Variants in PHACTR2 observed in about 807,000 individuals in gnomAD.
PHACTR2 encodes chromosome 6 open reading frame 56.
PHACTR2 carries 30 observed loss-of-function variants against 76.0 expected under a neutral mutation model. That is an observed-to-expected ratio of 0.39 (90% CI 0.30 to 0.54). PHACTR2 has a LOEUF of 0.54. Ranked by LOEUF, PHACTR2 falls within the 20% of genes least tolerant of loss-of-function variation. The probability of loss-of-function intolerance (pLI) is 0.61; values close to 1 mark genes in which losing one functional copy is unlikely to be tolerated. For synonymous variants in PHACTR2, 292 were observed against 292.5 expected (o/e 1.00, Z 0.02); for missense variants, 696 against 781.1 (o/e 0.89, Z 1.30).
Position 143,541,512 on chromosome 6 carries a change from G to A in PHACTR2, c.217+4305G>A, listed in dbSNP as rs1259144079. 6.6e-6 allele frequency among the ~76,000 whole-genome samples: 1 copy of A among 152,198 alleles called. No individual in the cohort carries two copies. The highest frequency in any genetic ancestry group is 2.4e-5 in the African/African-American group (1 of 41,466). On this transcript the variant is annotated intron_variant, in intron 1 of 11. Transcript: ENST00000367584. The surrounding 1 kb of genome is among the most constrained non-coding windows in gnomAD (Gnocchi z 5.3). ...ACCATTCAAGCCACCTCCAAAAAAA[G>A]CAGTATAGGTGTGTGGACCACTTCA...
At chr6:143,804,269 C>T (rs926098841) in intron 11 of PHACTR2, among the ~76,000 whole-genome samples, 1 of 152,188 alleles carries the variant, frequency 6.6e-6, no homozygotes, top group East Asian at 1.9e-4. Flanking sequence ...TACCCAGCAT[C>T]TTAACCTCCA....
chr6:143,586,401 T>C (rs1775629950), intron 1 of PHACTR2, among the ~76,000 whole-genome samples: 3 of 152,222 alleles, frequency 2.0e-5, no homozygotes, highest in Admixed American at 2.0e-4. Context: ...TTTTTGTCCA[T>C]GGAATCAAAG....
chr6:143,628,973 A>G (rs1168313673), intron 1 of PHACTR2, among the ~76,000 whole-genome samples: 17 of 110,794 alleles, frequency 1.5e-4, no homozygotes, highest in Non-Finnish European at 2.5e-4. Flanking sequence ...ATATATATAT[A>G]TATATACTGC....
intron 1 of PHACTR2, among the ~76,000 whole-genome samples, chr6:143,626,134 A>G (rs1470988676): frequency 6.6e-6 from 1 of 152,206 alleles, no homozygotes; most frequent in African/African-American, 2.4e-5. Context: ...TCAAAGAAAG[A>G]TGCTAAGAAT....
intron 1 of PHACTR2, among the ~76,000 whole-genome samples, chr6:143,660,041 G>T (rs139066362): frequency 1.7e-3 from 257 of 152,262 alleles, no homozygotes; most frequent in African/African-American, 5.8e-3. Context: ...CTCAGTTACT[G>T]CATTAAAAAA....
chr6:143,771,194 GTATATA>G (rs769993035), intron 6 of PHACTR2, among the ~76,000 whole-genome samples: 10,155 of 40,594 alleles, frequency 0.25, 1,175 homozygotes, highest in Middle Eastern at 0.4. Flanking sequence ...ATATATGTGT[GTATATA>G]TATATATATA....
intron 2 of PHACTR2, 105 bp downstream of exon 2, chr6:143,712,288 C>T (rs1381288068): frequency 2.5e-5 from 16 of 650,772 alleles, no homozygotes; most frequent in Admixed American, 3.8e-5. Context: ...AAAATTAATC[C>T]GTATTTGAAA....
In PHACTR2 at chr6:143,616,101, C is replaced by T. The variant is rs1427015798; in HGVS notation, c.13+7779C>T. Among the ~76,000 whole-genome samples the T allele has an allele frequency of 2.0e-5, 3 of 152,164 alleles. No individual in the cohort carries two copies. Among genetic ancestry groups the T allele is most frequent in the African/African-American group, 7.2e-5 (3 of 41,438 alleles). ...CTACCACTTGGTATAAAGTATCTGCCTAATTGTTTTTATAGGTAGCTCTTT... is the reference window on the plus strand; with the variant it reads ...CTACCACTTGGTATAAAGTATCTGCTTAATTGTTTTTATAGGTAGCTCTTT... On this transcript the variant is annotated intron_variant, in intron 1 of 11. Coordinates refer to the PHACTR2 transcript ENST00000305766. The surrounding 1 kb of genome is among the most constrained non-coding windows in gnomAD (Gnocchi z 4.9).
Position 143,698,180 on chromosome 6 carries a change from C to A in PHACTR2, c.47-13836C>A, listed in dbSNP as rs1455450100. Among the ~76,000 whole-genome samples the A allele has an allele frequency of 6.6e-6, 1 of 152,170 alleles. No individual in the cohort carries two copies. Among genetic ancestry groups the A allele is most frequent in the Admixed American group, 6.5e-5 (1 of 15,280 alleles). ...GGTTTGATGGTGCTCTAATTGGATT[C>A]AGAGGCTTTCTGTGTGTGTTTTATC... On this transcript the variant is annotated intron_variant, in intron 1 of 12. Coordinates refer to ENST00000440869, the MANE Select transcript of PHACTR2 (RefSeq NM_001100164.2). This position sits in a 1 kb window ranked among gnomAD's most constrained non-coding sequence, Gnocchi z 4.3.
chr6:143,642,182 T>C (rs972811228), intron 1 of PHACTR2, among the ~76,000 whole-genome samples: 2 of 152,224 alleles, frequency 1.3e-5, no homozygotes, highest in Non-Finnish European at 2.9e-5. Context: ...ATTTAATCAA[T>C]GTCCTATTAT....
Position 143,678,340 on chromosome 6 carries a change from A to G in PHACTR2, c.46+131A>G, listed in dbSNP as rs1582762083. 3.1e-5 allele frequency: 24 copies of G among 779,252 alleles called. No homozygotes were observed. The East Asian group carries it at 8.0e-4, about 26-fold the overall frequency. The allele number at this position is 779,252 out of a possible 1,614,324, so 48.3% of individuals were successfully genotyped here. Reference sequence around the variant, plus strand: ...CCGCCAAGTCCCTCGGAGAAACCCCAGAGGTAGCGCTCGCCAAACTCTTTG... The same window carrying G: ...CCGCCAAGTCCCTCGGAGAAACCCCGGAGGTAGCGCTCGCCAAACTCTTTG... On this transcript the variant is annotated intron_variant, in intron 1 of 12. Transcript: ENST00000440869. The surrounding 1 kb of genome is among the most constrained non-coding windows in gnomAD (Gnocchi z 6.2).
rs1012224422 is a variant in PHACTR2, at chr6:143,772,448, A to G, written c.1423A>G (p.Ser475Gly). The change falls in exon 7 of 13, where the codon AGT (serine) becomes GGT (glycine). Residue 475 changes from serine (S) to glycine (G), a missense_variant. Coordinates refer to ENST00000440869, the MANE Select transcript of PHACTR2 (RefSeq NM_001100164.2). This position sits in a 1 kb window ranked among gnomAD's most constrained non-coding sequence, Gnocchi z 5.4. ...GGACGAAGACGAAGATGAGGATGGC[A>G]GTGGAGAAAGTAAGACTGTTTTCAA... ...DEDEDEDEDG[S>G]GESALASKIR... 2 of 1,613,154 alleles carry G rather than the reference A, an allele frequency of 1.2e-6. No homozygotes were observed. The highest frequency in any genetic ancestry group is 1.7e-5 in the Admixed American group (1 of 59,972).
At position 143,578,039 on chromosome 6, in the gene PHACTR2, GT is replaced by G. The variant is rs1775533112; in HGVS notation, c.217+40833del. ...ATCCCCCGTTCGTTTGCCAACACCT[GT>G]GAGAATTCCACAGTCAACTTGCTTA... On this transcript the variant is annotated intron_variant, in intron 1 of 11. Transcript: ENST00000367584. The surrounding 1 kb of genome is among the most constrained non-coding windows in gnomAD (Gnocchi z 4.5). Among the ~76,000 whole-genome samples, 1 of 152,196 alleles carries G rather than the reference GT, an allele frequency of 6.6e-6. No homozygotes were observed. The highest frequency in any genetic ancestry group is 2.4e-5 in the African/African-American group (1 of 41,452).
At position 143,765,357 on chromosome 6, in the gene PHACTR2, C is replaced by T. The variant is rs750755648; in HGVS notation, c.791C>T (p.Thr264Ile). 1.9e-6 allele frequency: 3 copies of T among 1,614,172 alleles called. No individual in the cohort carries two copies. The highest frequency in any genetic ancestry group is 3.3e-5 in the Admixed American group (2 of 60,018). ...TCTCGTCCCAAAGCTTCAAAGGAGA[C>T]AGTTTCTAGCAAAGCAGGGACAGTG... ...TSSRPKASKE[T>I]VSSKAGTVGT... is the part of the protein sequence containing the mutation. Residue 264 changes from threonine to isoleucine, a missense_variant, in exon 6 of 13, where the codon ACA becomes ATA. By Grantham distance (89) the Thr-to-Ile change is moderately conservative. Coordinates refer to ENST00000440869, the MANE Select transcript of PHACTR2 (RefSeq NM_001100164.2). This position sits in a 1 kb window ranked among gnomAD's most constrained non-coding sequence, Gnocchi z 4.1.
chr6:143,714,495 T>C (rs1041697800), intron 2 of PHACTR2, among the ~76,000 whole-genome samples: 2 of 152,274 alleles, frequency 1.3e-5, no homozygotes, highest in African/African-American at 4.8e-5. Context: ...TGGCCAGTTT[T>C]GGTGGTCCTT....
In PHACTR2 at chr6:143,633,035, GT is replaced by G. The variant is rs1244269465; in HGVS notation, c.13+24717del. Among the ~76,000 whole-genome samples, 1 of 152,146 alleles carries G rather than the reference GT, an allele frequency of 6.6e-6. No homozygotes were observed. Among genetic ancestry groups the G allele is most frequent in the Non-Finnish European group, 1.5e-5 (1 of 68,022 alleles). On this transcript the variant is annotated intron_variant, in intron 1 of 11. Coordinates refer to the PHACTR2 transcript ENST00000305766. The surrounding 1 kb of genome is among the most constrained non-coding windows in gnomAD (Gnocchi z 4.1). ...TGAAGGACATCTTGGTTACTTTCAA[GT>G]TTTGTCAATTATGAATGAAGCTGCT...
Position 143,698,401 on chromosome 6 carries a change from C to T in PHACTR2, c.47-13615C>T, listed in dbSNP as rs1048285069. Among the ~76,000 whole-genome samples, 2 of 152,200 alleles carry T rather than the reference C, an allele frequency of 1.3e-5. No homozygotes were observed. The highest frequency in any genetic ancestry group is 1.3e-4 in the Admixed American group (2 of 15,286). On this transcript the variant is annotated intron_variant, in intron 1 of 12. Transcript: ENST00000440869. This position sits in a 1 kb window ranked among gnomAD's most constrained non-coding sequence, Gnocchi z 4.3. ...AAAAGCAACTAGTGGAATTGTTTCT[C>T]TCAAGAGAATTAGGTGTACAAACCA... is the stretch of plus-strand genomic sequence containing the variant.
rs934443736 is a variant in PHACTR2, at chr6:143,680,403, T to G, written c.46+2194T>G. 5.3e-5 allele frequency among the ~76,000 whole-genome samples: 8 copies of G among 152,300 alleles called. No homozygotes were observed. Among genetic ancestry groups the G allele is most frequent in the African/African-American group, 1.9e-4 (8 of 41,582 alleles). On this transcript the variant is annotated intron_variant, in intron 1 of 12. Coordinates refer to ENST00000440869, the MANE Select transcript of PHACTR2 (RefSeq NM_001100164.2). This position sits in a 1 kb window ranked among gnomAD's most constrained non-coding sequence, Gnocchi z 4.5. ...GATGATTCTCATCTTAAATGCTTAGTGGGCGAAAATCTGTTTAAGTCAAAG... is the reference window on the plus strand; with the variant it reads ...GATGATTCTCATCTTAAATGCTTAGGGGGCGAAAATCTGTTTAAGTCAAAG...
In PHACTR2 at chr6:143,580,347, T is replaced by C. The variant is rs1346494660; in HGVS notation, c.217+43140T>C. The stretch of plus-strand genomic sequence containing the variant: ...AAAAATACAAAAAATTAGCCCGGCT[T>C]GGTGGCGGGCGCCTGTAGTCCCAGC... On this transcript the variant is annotated intron_variant, in intron 1 of 11. Coordinates refer to the PHACTR2 transcript ENST00000367584. This position sits in a 1 kb window ranked among gnomAD's most constrained non-coding sequence, Gnocchi z 4.2. Among the ~76,000 whole-genome samples the C allele has an allele frequency of 6.6e-6, 1 of 152,124 alleles. No individual in the cohort carries two copies. The highest frequency in any genetic ancestry group is 2.4e-5 in the African/African-American group (1 of 41,416).
Sources: allele counts gnomAD v4.1 joint callset (sites outside exome capture counted in the v4.1 genomes callset), GRCh38; gene constraint gnomAD v4.1.1; non-coding constraint Gnocchi (gnomAD v3.1); transcripts MANE v1.5; gene names NCBI Gene and HGNC (gene_info 2026-07-23, HGNC 2026-07-21).